NAPG: variants seen among roughly 807,000 people sequenced by gnomAD.
NAPG encodes the protein gamma-soluble NSF attachment protein.
Under a neutral mutation model 48.4 loss-of-function variants are expected in NAPG, and 25 were observed. The observed-to-expected ratio is 0.52, with a 90% CI of 0.38 to 0.72. NAPG has a LOEUF of 0.72. NAPG is among the 30% of genes least tolerant of loss of function. The pLI is 0.00. For missense variants in NAPG, 359 were observed against 372.5 expected, an observed-to-expected ratio of 0.96 and a Z score of 0.30; for synonymous variants, 139 against 127.2, an observed-to-expected ratio of 1.09 and a Z score of -0.62.
chr18:10,526,321 C>T (rs1325764890), intron 1 of NAPG, 163 bp downstream of exon 1: 2 of 673,114 alleles, frequency 3.0e-6, no homozygotes, highest in South Asian at 1.9e-5. Flanking sequence ...CTGGGTCACA[C>T]TCCCGGGGTC....
intron 7 of NAPG, 60 bp downstream of exon 7, chr18:10,540,114 A>C: frequency 3.7e-6 from 5 of 1,366,560 alleles, no homozygotes; most frequent in Non-Finnish European, 4.0e-6. Flanking sequence ...AATAATATAT[A>C]GGAAAATAGA....
chr18:10,528,517 G>C (rs1010386752), intron 1 of NAPG, among the ~76,000 whole-genome samples: 11 of 152,234 alleles, frequency 7.2e-5, no homozygotes, highest in African/African-American at 2.4e-4. Context: ...CTCCCATGAA[G>C]GTACTGCCAG....
At position 10,550,194 on chromosome 18, in the gene NAPG, G is replaced by A. The variant is rs2032359466; in HGVS notation, c.913G>A (p.Asp305Asn). 1.9e-6 allele frequency: 3 copies of A among 1,589,616 alleles called. No individual in the cohort carries two copies. The highest frequency in any genetic ancestry group is 2.6e-6 in the Non-Finnish European group (3 of 1,169,916). The change falls in exon 12 of 12, where the codon GAT becomes AAT. Residue 305 changes from aspartate (D) to asparagine (N), a missense_variant. Coordinates refer to ENST00000322897, the MANE Select transcript of NAPG (RefSeq NM_003826.3). ...TGCCACGGCTGCTGATGAAGAGGAA[G>A]ATGAATACTCAGGAGGACTATGCTA... is the stretch of plus-strand genomic sequence containing the variant. The part of the protein sequence containing the change: ...VTATAADEEE[D>N]EYSGGLC
chr18:10,550,971 T>G lies in NAPG; in HGVS notation c.*751T>G, dbSNP rs1393047296. The stretch of plus-strand genomic sequence containing the variant: ...TAGGAGCTAATGGGTAATGAATACC[T>G]TTTTGTTTGTTTGTTTGTTTGTTTT... On this transcript the variant is annotated 3_prime_UTR_variant, in exon 12 of 12. Coordinates refer to ENST00000322897, the MANE Select transcript of NAPG (RefSeq NM_003826.3). The G allele has an allele frequency of 6.6e-6, 1 of 151,414 alleles. No homozygotes were observed. The highest frequency in any genetic ancestry group is 1.9e-4 in the East Asian group (1 of 5,200). The allele number at this position is 151,414 out of a possible 1,614,324, so 9.4% of individuals were successfully genotyped here.
At position 10,541,797 on chromosome 18, in the gene NAPG, G is replaced by C. The variant is rs754842016; in HGVS notation, c.506+1398G>C. ...GCAGAAGTTAAGGACAGCCCTGTGT[G>C]AAAGTCCAGACTGCATCAGCTCCCC... is the stretch of plus-strand genomic sequence containing the variant. On this transcript the variant is annotated intron_variant, in intron 8 of 11. Coordinates refer to ENST00000322897, the MANE Select transcript of NAPG (RefSeq NM_003826.3). Among the ~76,000 whole-genome samples the C allele has an allele frequency of 2.6e-5, 4 of 152,226 alleles. 1 individual carries two copies. The South Asian group carries it at 6.2e-4, about 24-fold the overall frequency.
Position 10,526,166 on chromosome 18 carries a change from A to G in NAPG, c.56+8A>G. 1 of 1,586,806 alleles carries G rather than the reference A, an allele frequency of 6.3e-7. No homozygotes were observed. The highest frequency in any genetic ancestry group is 8.6e-7 in the Non-Finnish European group (1 of 1,163,212). On this transcript the variant is annotated splice_region_variant and intron_variant, in intron 1 of 11. Coordinates refer to ENST00000322897, the MANE Select transcript of NAPG (RefSeq NM_003826.3). Reference sequence around the variant, plus strand: ...CGCCAAAGCAGAGAAATAGTGAGTGAGAACCTTCCGGGGGCCTGTGTGTAG... The same window carrying G: ...CGCCAAAGCAGAGAAATAGTGAGTGGGAACCTTCCGGGGGCCTGTGTGTAG...
intron 2 of NAPG, among the ~76,000 whole-genome samples, chr18:10,531,393 T>G (rs1800191596): frequency 6.6e-6 from 1 of 152,186 alleles, no homozygotes; most frequent in Non-Finnish European, 1.5e-5. Flanking sequence ...GAAAGGGAAT[T>G]TACTAAAAAT....
chr18:10,549,040 C>G lies in NAPG; in HGVS notation c.739C>G (p.Gln247Glu). The change falls in exon 11 of 12, where the codon CAA (glutamine) becomes GAA (glutamate). Residue 247 changes from glutamine (Q) to glutamate (E), a missense_variant. Transcript: ENST00000322897. ...QLLEGYDQQD[Q>E]DQVSDVCNSP... ...TCTTGAAGGTTATGACCAGCAAGAC[C>G]AAGATCAGGTGTCAGATGTCTGCAA... The G allele has an allele frequency of 6.2e-7, 1 of 1,613,812 alleles. No individual in the cohort carries two copies.
At chr18:10,549,614 A>G (rs1301512301) in intron 11 of NAPG, among the ~76,000 whole-genome samples, 2 of 152,210 alleles carry the variant, frequency 1.3e-5, no homozygotes, top group African/African-American at 4.8e-5. Flanking sequence ...TGTGTGAGAA[A>G]TATCCTCACA....
intron 5 of NAPG, among the ~76,000 whole-genome samples, chr18:10,537,577 T>A (rs2032061761): frequency 6.6e-6 from 1 of 152,102 alleles, no homozygotes; most frequent in Admixed American, 6.5e-5. Context: ...ACAGTTTAAA[T>A]CTCTGCTGTT....
chr18:10,540,449 C>T, intron 8 of NAPG, 50 bp downstream of exon 8: 4 of 1,504,268 alleles, frequency 2.7e-6, no homozygotes, highest in Non-Finnish European at 3.7e-6. Flanking sequence ...TTTGAATCCA[C>T]ATTTGGAACT....
chr18:10,530,188 CTTTTTTTTTTTTTTT>C (rs58597079), intron 1 of NAPG, among the ~76,000 whole-genome samples: 3,246 of 67,446 alleles, frequency 0.048, 172 homozygotes, highest in African/African-American at 0.17. Context: ...CGAGTTTTCA[CTTTTTTTTTTTTTTT>C]TTTTTTTTTT....
chr18:10,533,589 T>G, intron 4 of NAPG, 36 bp downstream of exon 4: 1 of 1,570,758 alleles, frequency 6.4e-7, no homozygotes, highest in Non-Finnish European at 8.7e-7. Flanking sequence ...ATTTGCAAAT[T>G]ATGTTTTAAA....
intron 8 of NAPG, chr18:10,540,619 G>C (rs1264967399): frequency 2.5e-6 from 1 of 405,348 alleles, no homozygotes; most frequent in Non-Finnish European, 4.4e-6. Flanking sequence ...AATTTATCAT[G>C]CACTGTGCTT....
chr18:10,545,320 A>G (rs946707785), intron 8 of NAPG, among the ~76,000 whole-genome samples: 1 of 152,212 alleles, frequency 6.6e-6, no homozygotes, highest in East Asian at 1.9e-4. Flanking sequence ...TCAAAAAAAA[A>G]TAAAAAGACA....
At position 10,549,794 on chromosome 18, in the gene NAPG, A is replaced by AT. The variant is rs527853162; in HGVS notation, c.796-275dup. Reference sequence around the variant, plus strand: ...TTTATTATAATGATATATGTAGATAATTTTTTTTCTAAATAACGTCTTACA... The same window carrying AT: ...TTTATTATAATGATATATGTAGATAATTTTTTTTTCTAAATAACGTCTTACA... On this transcript the variant is annotated intron_variant, in intron 11 of 11. Coordinates refer to ENST00000322897, the MANE Select transcript of NAPG (RefSeq NM_003826.3). 3.3e-3 allele frequency among the ~76,000 whole-genome samples: 506 copies of AT among 152,046 alleles called. 1 individual carries two copies. Among genetic ancestry groups the AT allele is most frequent in the Non-Finnish European group, 5.0e-3 (340 of 67,998 alleles).
chr18:10,539,667 C>T lies in NAPG; in HGVS notation c.259-95C>T. ...CACATTCTGCACATGTGTCCCAGAA[C>T]TTAAAATAAAAAATAATTGCATTTC... On this transcript the variant is annotated intron_variant, in intron 5 of 11. Transcript: ENST00000322897. The surrounding 1 kb of genome is among the most constrained non-coding windows in gnomAD (Gnocchi z 4.7). 5.8e-6 allele frequency: 6 copies of T among 1,032,662 alleles called. No homozygotes were observed. In the Middle Eastern group the frequency reaches 7.6e-4, roughly 131 times the overall value. 64.0% of individuals were successfully genotyped at this position (1,032,662 alleles called of 1,614,324 possible).
intron 1 of NAPG, among the ~76,000 whole-genome samples, chr18:10,527,917 C>G (rs114036274): frequency 0.056 from 8,524 of 151,954 alleles, 716 homozygotes; most frequent in African/African-American, 0.19. Context: ...TGGGCCCTGT[C>G]GCTCATGCCT....
rs1443873818 is a variant in NAPG, at chr18:10,550,096, G to A, written c.815G>A (p.Ser272Asn). ...TGACAGTATGCTAAGCTGGGCCTGA[G>A]TTTGGTGGTTCCAGGAGGGGGAATC... The part of the protein sequence containing the change: ...MDNDYAKLGL[S>N]LVVPGGGIKK... Residue 272 changes from serine (S) to asparagine (N), a missense_variant, in exon 12 of 12, where the codon AGT (serine) becomes AAT (asparagine). Ser to Asn is a conservative substitution (Grantham distance 46). Coordinates refer to ENST00000322897, the MANE Select transcript of NAPG (RefSeq NM_003826.3). The A allele has an allele frequency of 6.4e-7, 1 of 1,568,976 alleles. No individual in the cohort carries two copies. Among genetic ancestry groups the A allele is most frequent in the Non-Finnish European group, 8.6e-7 (1 of 1,162,658 alleles).
Sources: gnomAD v4.1 joint callset for allele counts (sites outside exome capture counted in the v4.1 genomes callset) on GRCh38, gnomAD v4.1.1 for gene constraint, Gnocchi (gnomAD v3.1) non-coding constraint, MANE v1.5 for transcripts, NCBI Gene and HGNC (gene_info 2026-07-23, HGNC 2026-07-21) for gene names.